Variants in NXPH1 observed in about 807,000 individuals in gnomAD.
NXPH1 encodes neurexophilin-1.
Under a neutral mutation model 23.7 loss-of-function variants are expected in NXPH1, and 5 were observed. The observed-to-expected ratio is 0.21, with a 90% CI of 0.11 to 0.44. The LOEUF (loss-of-function observed/expected upper bound fraction) is 0.44. NXPH1 is among the 20% of genes least tolerant of loss of function. The pLI is 0.99. For synonymous variants in NXPH1, 144 were observed against 122.2 expected (o/e 1.18, Z -1.18); for missense variants, 324 against 321.6 (o/e 1.01, Z -0.06).
intron 2 of NXPH1, among the ~76,000 whole-genome samples, chr7:8,745,478 A>G (rs1386013894): frequency 2.0e-5 from 3 of 151,894 alleles, no homozygotes; most frequent in Non-Finnish European, 4.4e-5. Flanking sequence ...TTGTCTATGA[A>G]TGTAAAATTT....
intron 2 of NXPH1, among the ~76,000 whole-genome samples, chr7:8,587,701 G>T (rs1333595397): frequency 2.0e-5 from 3 of 151,976 alleles, no homozygotes; most frequent in Non-Finnish European, 4.4e-5. Context: ...TGTTCTTATT[G>T]TTCAACTCCC....
At chr7:8,654,260 C>T (rs186417857) in intron 2 of NXPH1, among the ~76,000 whole-genome samples, 36 of 152,084 alleles carry the variant, frequency 2.4e-4, no homozygotes, top group Non-Finnish European at 4.3e-4. Flanking sequence ...CACAGATTTC[C>T]TGGAGTTAGA....
intron 2 of NXPH1, among the ~76,000 whole-genome samples, chr7:8,457,009 A>G (rs1307410937): frequency 1.3e-5 from 2 of 152,210 alleles, no homozygotes; most frequent in Non-Finnish European, 2.9e-5. Context: ...GGCGTCTAGG[A>G]CAAAGAACCC....
At chr7:8,745,863 G>A (rs975398311) in intron 2 of NXPH1, among the ~76,000 whole-genome samples, 2 of 151,400 alleles carry the variant, frequency 1.3e-5, no homozygotes, top group East Asian at 1.9e-4. Flanking sequence ...TACTGTCCCC[G>A]GCCCTGTTCT....
intron 2 of NXPH1, among the ~76,000 whole-genome samples, chr7:8,613,832 C>A (rs1207493982): frequency 1.3e-5 from 2 of 151,626 alleles, no homozygotes; most frequent in African/African-American, 4.8e-5. Context: ...TCTTGGCCAT[C>A]TTTTTTCATT....
chr7:8,533,328 A>G (rs998676063), intron 2 of NXPH1, among the ~76,000 whole-genome samples: 53 of 152,230 alleles, frequency 3.5e-4, no homozygotes, highest in African/African-American at 1.2e-3. Flanking sequence ...TGGCACTAGT[A>G]TACTTTATTA....
chr7:8,728,372 T>A (rs1780092476), intron 2 of NXPH1, among the ~76,000 whole-genome samples: 1 of 152,094 alleles, frequency 6.6e-6, no homozygotes, highest in Admixed American at 6.6e-5. Context: ...CTTCCAACAC[T>A]ATGTTGAATG....
At chr7:8,652,612 G>A (rs1028223607) in intron 2 of NXPH1, among the ~76,000 whole-genome samples, 1 of 152,154 alleles carries the variant, frequency 6.6e-6, no homozygotes, top group African/African-American at 2.4e-5. Context: ...TTGAGGCACT[G>A]GAGTTTAGCA....
intron 2 of NXPH1, among the ~76,000 whole-genome samples, chr7:8,696,806 A>G (rs942328991): frequency 7.1e-6 from 1 of 141,484 alleles, no homozygotes; most frequent in Non-Finnish European, 1.5e-5. Flanking sequence ...TTGCCACTGC[A>G]CTCCAGCCTG....
At chr7:8,711,374 A>G (rs1279145837) in intron 2 of NXPH1, among the ~76,000 whole-genome samples, 6 of 152,148 alleles carry the variant, frequency 3.9e-5, no homozygotes, top group Non-Finnish European at 8.8e-5. Flanking sequence ...TTTTTCATGA[A>G]AGGATTTACT....
intron 2 of NXPH1, among the ~76,000 whole-genome samples, chr7:8,449,009 G>A (rs960124558): frequency 3.2e-4 from 48 of 152,314 alleles, no homozygotes; most frequent in African/African-American, 1.1e-3. Context: ...ATATTAATTT[G>A]TGAGTAGTAT....
chr7:8,476,383 A>G (rs936776088), intron 2 of NXPH1, among the ~76,000 whole-genome samples: 66 of 151,778 alleles, frequency 4.3e-4, no homozygotes, highest in Non-Finnish European at 7.4e-5. Context: ...TTGTATCTTC[A>G]TGTCCCCAGC....
intron 2 of NXPH1, among the ~76,000 whole-genome samples, chr7:8,717,803 C>T (rs1274680662): frequency 6.6e-6 from 1 of 151,546 alleles, no homozygotes; most frequent in Admixed American, 6.6e-5. Context: ...TTTTAAAGTG[C>T]ATTTGAGAAT....
intron 2 of NXPH1, among the ~76,000 whole-genome samples, chr7:8,601,127 C>A (rs28413531): frequency 0.032 from 4,810 of 152,166 alleles, 245 homozygotes; most frequent in East Asian, 0.17. Context: ...GGTCCTGGAA[C>A]CAATGCCCCT....
At chr7:8,486,908 G>A (rs2128610648) in intron 2 of NXPH1, among the ~76,000 whole-genome samples, 1 of 151,928 alleles carries the variant, frequency 6.6e-6, no homozygotes, top group South Asian at 2.1e-4. Context: ...TTAAATTACA[G>A]GCCCTTTATT....
chr7:8,721,324 G>T (rs185556822), intron 2 of NXPH1, among the ~76,000 whole-genome samples: 68 of 151,874 alleles, frequency 4.5e-4, no homozygotes, highest in Non-Finnish European at 8.2e-4. Flanking sequence ...GGTGAATCTC[G>T]GTAAATGGCA....
intron 2 of NXPH1, among the ~76,000 whole-genome samples, chr7:8,443,835 A>C (rs1340308489): frequency 1.3e-5 from 2 of 151,878 alleles, no homozygotes; most frequent in Non-Finnish European, 2.9e-5. Context: ...GTTTCTCTTT[A>C]CTTACCAAAC....
At chr7:8,466,908 A>T (rs1313623014) in intron 2 of NXPH1, among the ~76,000 whole-genome samples, 9 of 151,916 alleles carry the variant, frequency 5.9e-5, no homozygotes, top group Non-Finnish European at 1.0e-4. Flanking sequence ...GGGAATGTGG[A>T]CTCTACCACT....
chr7:8,555,085 A>G (rs1323340971), intron 2 of NXPH1, among the ~76,000 whole-genome samples: 4 of 151,598 alleles, frequency 2.6e-5, no homozygotes, highest in Non-Finnish European at 5.9e-5. Flanking sequence ...GGTCCTCAAT[A>G]AAAGGCATTG....
Sources: allele counts gnomAD v4.1 joint callset (sites outside exome capture counted in the v4.1 genomes callset), GRCh38; gene constraint gnomAD v4.1.1; transcripts MANE v1.5; gene names NCBI Gene and HGNC (gene_info 2026-07-23, HGNC 2026-07-21).